RBFOX2: variants seen among roughly 807,000 people sequenced by gnomAD.
RBFOX2 encodes the protein RNA binding fox-1 homolog 2.
Under a neutral mutation model 49.1 loss-of-function variants are expected in RBFOX2, and 10 were observed. The observed-to-expected ratio is 0.20, with a 90% CI of 0.13 to 0.35. The LOEUF (loss-of-function observed/expected upper bound fraction) is 0.35, where lower values mean the gene tolerates loss of function less well. Ranked by LOEUF, RBFOX2 falls within the 10% of genes least tolerant of loss-of-function variation. The pLI, the probability that RBFOX2 is intolerant of heterozygous loss-of-function variation, is 1.00. For synonymous variants in RBFOX2, 183 were observed against 187.4 expected, an observed-to-expected ratio of 0.98 and a Z score of 0.19; for missense variants, 323 against 486.9, an observed-to-expected ratio of 0.66 and a Z score of 3.17.
chr22:35,873,494 C>T (rs1279562929), intron 1 of RBFOX2, among the ~76,000 whole-genome samples: 1 of 152,190 alleles, frequency 6.6e-6, no homozygotes, highest in African/African-American at 2.4e-5. Flanking sequence ...GACTTCACCC[C>T]ACTCATAGCG....
chr22:35,975,427 T>A (rs1252650015), intron 1 of RBFOX2, among the ~76,000 whole-genome samples: 6 of 152,146 alleles, frequency 3.9e-5, no homozygotes, highest in Admixed American at 3.9e-4. Flanking sequence ...AGGAACATAA[T>A]GTCACCAAAA....
intron 1 of RBFOX2, among the ~76,000 whole-genome samples, chr22:36,024,332 G>A (rs77121447): frequency 6.6e-6 from 1 of 152,106 alleles, no homozygotes; most frequent in African/African-American, 2.4e-5. Context: ...AAACAATTAA[G>A]GGACAATAAA....
intron 1 of RBFOX2, among the ~76,000 whole-genome samples, chr22:35,937,209 T>C (rs572834968): frequency 4.6e-5 from 7 of 152,280 alleles, no homozygotes; most frequent in Admixed American, 2.6e-4. Context: ...GGTATGAGAA[T>C]GTTTTTCTGA....
chr22:35,798,655 G>GT (rs927657109), intron 2 of RBFOX2, among the ~76,000 whole-genome samples: 1 of 152,084 alleles, frequency 6.6e-6, no homozygotes, highest in African/African-American at 2.4e-5. Context: ...AAATATATTA[G>GT]TTTTGTTGTT....
In RBFOX2 at chr22:35,746,516, C is replaced by A. The variant is rs762015963; in HGVS notation, c.933G>T (p.Pro311=). 2.5e-6 allele frequency: 4 copies of A among 1,609,500 alleles called. No individual in the cohort carries two copies. The South Asian group carries it at 4.4e-5, about 18-fold the overall frequency. ...GCAGCGGCTGCAGCAGCGGTGGCTGCGGTTGCAGTAGCAGGCTGTGCATAT... is the reference window on the plus strand; with the variant it reads ...GCAGCGGCTGCAGCAGCGGTGGCTGAGGTTGCAGTAGCAGGCTGTGCATAT... Residue 311 remains proline, a synonymous_variant, in exon 10 of 12, where the codon CCG becomes CCT. Coordinates refer to ENST00000405409, the Ensembl canonical transcript of RBFOX2.
At chr22:35,993,213 C>T (rs1452781115) in intron 1 of RBFOX2, 2 of 152,156 alleles carry the variant, frequency 1.3e-5, no homozygotes, top group African/African-American at 2.4e-5. Context: ...TCAGAGTTTG[C>T]ATCATCAAAA....
At position 35,967,805 on chromosome 22, in the gene RBFOX2, G is replaced by A. The variant is rs5995182; in HGVS notation, c.187-28908C>T. Reference sequence around the variant, plus strand: ...TTTCCAGTACACACATCTAAAATCCGTACCATTTACCACTTTTCTTAAGAG... The same window carrying A: ...TTTCCAGTACACACATCTAAAATCCATACCATTTACCACTTTTCTTAAGAG... On this transcript the variant is annotated intron_variant, in intron 1 of 13. Transcript: ENST00000438146. Among the ~76,000 whole-genome samples the A allele has an allele frequency of 6.3e-3, 953 of 152,098 alleles. 7 individuals are homozygous for A. Among genetic ancestry groups the A allele is most frequent in the African/African-American group, 0.021 (885 of 41,472 alleles).
At chr22:35,923,129 C>T (rs887258693) in intron 1 of RBFOX2, among the ~76,000 whole-genome samples, 5 of 152,140 alleles carry the variant, frequency 3.3e-5, no homozygotes, top group African/African-American at 4.8e-5. Flanking sequence ...TGTTTTTTGG[C>T]TAATACTTAT....
At chr22:35,994,787 C>T (rs2058120642) in intron 1 of RBFOX2, 1 of 152,348 alleles carries the variant, frequency 6.6e-6, no homozygotes, top group Non-Finnish European at 1.5e-5. Flanking sequence ...CCACCTCAGC[C>T]TCTCAAAGTG....
At chr22:36,017,243 T>C (rs132596) in intron 1 of RBFOX2, among the ~76,000 whole-genome samples, 134,219 of 152,254 alleles carry the variant, frequency 0.88, 59,349 homozygotes, top group East Asian at 1. Flanking sequence ...TAAAAACATG[T>C]TACAGTGCCG....
intron 1 of RBFOX2, among the ~76,000 whole-genome samples, chr22:35,896,594 T>C (rs992794170): frequency 2.0e-5 from 3 of 152,190 alleles, no homozygotes; most frequent in African/African-American, 7.2e-5. Flanking sequence ...CCTGCCATAG[T>C]GGGGTTTCTT....
chr22:35,759,979 C>T lies in RBFOX2; in HGVS notation c.796G>A (p.Ala266Thr), dbSNP rs1373405959. 10 of 1,613,850 alleles carry T rather than the reference C, an allele frequency of 6.2e-6. No individual in the cohort carries two copies. Among genetic ancestry groups the T allele is most frequent in the South Asian group, 5.5e-5 (5 of 91,064 alleles). The change falls in exon 9 of 12, where the codon GCT (alanine) becomes ACT (threonine). Residue 266 changes from alanine (A) to threonine (T), a missense_variant. This residue lies in a region of RBFOX2 where 200 missense variants were observed against 370.0 expected (regional missense o/e 0.54). Transcript: ENST00000405409. The surrounding 1 kb of genome is among the most constrained non-coding windows in gnomAD (Gnocchi z 4.6). ...CCCCTCAAATGGGCTCCTCTGAAAGCGGCTGCCGTGGTGGCTGCAGTAGGG... is the reference window on the plus strand; with the variant it reads ...CCCCTCAAATGGGCTCCTCTGAAAGTGGCTGCCGTGGTGGCTGCAGTAGGG...
In RBFOX2 at chr22:35,989,371, G is replaced by A. The variant is rs146050837; in HGVS notation, c.186+38869C>T. On this transcript the variant is annotated intron_variant, in intron 1 of 13. Transcript: ENST00000438146. ...CAGAGGGAGAAATTCTAAAAAGCAT[G>A]GTACAAGAGAAGCCAGGGGAAGAGC... 6.1e-4 allele frequency among the ~76,000 whole-genome samples: 93 copies of A among 152,236 alleles called. No homozygotes were observed. In the East Asian group the frequency reaches 0.016, roughly 26 times the overall value.
At chr22:36,013,412 CACATTACAT>C (rs1312703553) in intron 1 of RBFOX2, among the ~76,000 whole-genome samples, 2 of 152,120 alleles carry the variant, frequency 1.3e-5, no homozygotes, top group Non-Finnish European at 2.9e-5. Flanking sequence ...CTGAACTAAG[CACATTACAT>C]ACAGTATCGC....
rs549668145 is a variant in RBFOX2, at chr22:36,016,223, T to C, written c.186+12017A>G. Among the ~76,000 whole-genome samples the C allele has an allele frequency of 3.9e-5, 6 of 152,066 alleles. No homozygotes were observed. In the South Asian group the frequency reaches 8.3e-4, roughly 21 times the overall value. Reference sequence around the variant, plus strand: ...CTTCTTAAAAGAAAAAAAAAAGCAATTGAAAGAAATTTCTATGAGCCTCTG... The same window carrying C: ...CTTCTTAAAAGAAAAAAAAAAGCAACTGAAAGAAATTTCTATGAGCCTCTG... On this transcript the variant is annotated intron_variant, in intron 1 of 13. Transcript: ENST00000438146.
At chr22:35,957,796 T>C (rs1267375013) in intron 1 of RBFOX2, among the ~76,000 whole-genome samples, 2 of 152,222 alleles carry the variant, frequency 1.3e-5, no homozygotes, top group African/African-American at 4.8e-5. Flanking sequence ...ATTATCTACA[T>C]CTGGATCTGA....
chr22:35,911,218 T>C (rs2049789313), intron 1 of RBFOX2, among the ~76,000 whole-genome samples: 1 of 152,196 alleles, frequency 6.6e-6, no homozygotes. Context: ...GTTAAGCTAC[T>C]ATGGGTTGGG....
chr22:35,750,557 T>C, intron 9 of RBFOX2: 2 of 785,730 alleles, frequency 2.5e-6, no homozygotes, highest in Non-Finnish European at 4.3e-6. Context: ...GGAACTCTGA[T>C]AGCTGGATAA....
At chr22:35,981,428 G>A (rs1269251756) in intron 1 of RBFOX2, among the ~76,000 whole-genome samples, 5 of 152,118 alleles carry the variant, frequency 3.3e-5, no homozygotes, top group Non-Finnish European at 5.9e-5. Flanking sequence ...GATCACTTGA[G>A]GCCAGGAGTT....
Sources: gnomAD v4.1 joint callset for allele counts (sites outside exome capture counted in the v4.1 genomes callset) on GRCh38, gnomAD v4.1.1 for gene constraint, gnomAD v4.1.1 regional missense constraint, Gnocchi (gnomAD v3.1) non-coding constraint, MANE v1.5 for transcripts, NCBI Gene and HGNC (gene_info 2026-07-23, HGNC 2026-07-21) for gene names.